Variants in FUS observed in about 807,000 individuals in gnomAD.
FUS encodes the protein RNA-binding protein FUS.
A neutral mutation model predicts 82.7 loss-of-function variants in FUS; 5 were observed. The ratio of observed to expected loss-of-function variants is 0.06; its 90% CI spans 0.03 to 0.13. The LOEUF (loss-of-function observed/expected upper bound fraction) is 0.13, where lower values mean the gene tolerates loss of function less well. Ranked by LOEUF, FUS falls within the 10% of genes least tolerant of loss-of-function variation. The pLI is 1.00. For synonymous variants in FUS, 281 were observed against 247.4 expected, an observed-to-expected ratio of 1.14 and a Z score of -1.27; for missense variants, 512 against 707.8, an observed-to-expected ratio of 0.72 and a Z score of 3.14.
At chr16:31,180,126 A>T (rs538000979), upstream of FUS, 10 of 1,552,284 alleles carry the variant, frequency 6.4e-6, no homozygotes, top group South Asian at 9.3e-5. Flanking sequence ...GCTTCGACGC[A>T]GGAGGCGGGG....
Position 31,182,145 on chromosome 16 carries a change from A to G in FUS, c.14-253A>G, listed in dbSNP as rs1311512009. 17 of 490,776 alleles carry G rather than the reference A, an allele frequency of 3.5e-5. 1 individual carries two copies. In the Admixed American group the frequency reaches 5.6e-4, roughly 16 times the overall value. 30.4% of individuals were successfully genotyped at this position (490,776 alleles called of 1,614,324 possible). On this transcript the variant is annotated intron_variant, in intron 1 of 14. Coordinates refer to ENST00000254108, the MANE Select transcript of FUS (RefSeq NM_004960.4). The stretch of plus-strand genomic sequence containing the variant: ...GCTGGGATTACAGGCGTGCGCCACC[A>G]TGCCCGGCTAATTTTTTGTATTTTT...
Position 31,191,402 on chromosome 16 carries a change from T to C in FUS, c.1545T>C (p.Gly515=). The C allele has an allele frequency of 6.3e-7, 1 of 1,594,990 alleles. No individual in the cohort carries two copies. The highest frequency in any genetic ancestry group is 8.5e-7 in the Non-Finnish European group (1 of 1,174,022). Residue 515 remains glycine, a synonymous_variant, in exon 15 of 15, where the codon GGT becomes GGC. Transcript: ENST00000254108. ...ATTTTTTTTTTTTTTTTTGCAGGGG[T>C]GAGCACAGACAGGATCGCAGGGAGA... ...GFGPGKMDSR[G]EHRQDRRERP... is the part of the protein sequence containing the mutation.
chr16:31,190,372 A>C lies in FUS; in HGVS notation c.1266A>C (p.Arg422=), dbSNP rs1249040900. ...SGGGGGGGQQ[R]AGDWKCPNPT... is the part of the protein sequence containing the mutation. Reference sequence around the variant, plus strand: ...GTGGTGGCGGTGGAGGACAGCAGCGAGCTGGTGACTGGAAGTGTCCTAATC... The same window carrying C: ...GTGGTGGCGGTGGAGGACAGCAGCGCGCTGGTGACTGGAAGTGTCCTAATC... Residue 422 remains arginine, a synonymous_variant, in exon 12 of 15, where the codon CGA becomes CGC. Transcript: ENST00000254108. 3.1e-6 allele frequency: 5 copies of C among 1,614,052 alleles called. No homozygotes were observed. The African/African-American group carries it at 5.3e-5, about 17-fold the overall frequency.
Position 31,184,325 on chromosome 16 carries a change from C to T in FUS, c.452C>T (p.Pro151Leu), listed in dbSNP as rs144342946. The change falls in exon 5 of 15, where the codon CCC (proline) becomes CTC (leucine). Residue 151 changes from proline (P) to leucine (L), a missense_variant. Physicochemically the swap from Pro to Leu is moderately conservative, Grantham distance 98. Around this residue, in one of 6 missense-constraint regions of FUS, gnomAD observed 276 missense variants for 303.3 expected, o/e 0.91. Transcript: ENST00000254108. ...TATGGACAGCAGCAAAGCTATAATC[C>T]CCCTCAGGGCTATGGACAGCAGAAC... ...QSYGQQQSYN[P>L]PQGYGQQNQY... The T allele has an allele frequency of 4.0e-5, 65 of 1,613,988 alleles. No homozygotes were observed. Among genetic ancestry groups the T allele is most frequent in the Non-Finnish European group, 4.8e-5 (57 of 1,180,006 alleles).
downstream of FUS, chr16:31,192,813 C>T (rs542241137): frequency 1.3e-4 from 64 of 481,126 alleles, no homozygotes; most frequent in Non-Finnish European, 5.8e-5. Flanking sequence ...CTCAGGTGAT[C>T]CACCTGCCTT....
downstream of FUS, chr16:31,194,759 T>A (rs1567484000): frequency 4.1e-6 from 2 of 483,062 alleles, no homozygotes; most frequent in Non-Finnish European, 8.2e-6. Flanking sequence ...TCTTAGAAAA[T>A]TTTGAAATTT....
At position 31,185,173 on chromosome 16, in the gene FUS, G is replaced by T. The variant is rs761349989; in HGVS notation, c.758G>T (p.Gly253Val). The T allele has an allele frequency of 6.2e-7, 1 of 1,608,704 alleles. No individual in the cohort carries two copies. Among genetic ancestry groups the T allele is most frequent in the Non-Finnish European group, 8.5e-7 (1 of 1,177,316 alleles). Residue 253 changes from glycine (G) to valine (V), a missense_variant, in exon 6 of 15, where the codon GGC becomes GTC. By Grantham distance (109) the Gly-to-Val change is moderately radical. Coordinates refer to ENST00000254108, the MANE Select transcript of FUS (RefSeq NM_004960.4). The stretch of plus-strand genomic sequence containing the variant: ...GGAGGTGGCCGTGGAGGCAGAGGTG[G>T]CATGGGGTAGGTGTCTCATGAGCCA... ...GRGGGRGGRG[G>V]MGGSDRGGFN...
intron 6 of FUS, 58 bp from the exon 7 acceptor site, chr16:31,186,744 A>G (rs953716478): frequency 3.8e-6 from 6 of 1,566,234 alleles, no homozygotes; most frequent in Non-Finnish European, 5.3e-6. Flanking sequence ...AAATCAAAAA[A>G]CAACCTTTTG....
chr16:31,183,686 T>G (rs372911408), intron 3 of FUS, 172 bp from the exon 4 acceptor site: 1 of 770,176 alleles, frequency 1.3e-6, no homozygotes. Context: ...GTTGAAGCAT[T>G]AAATTTAGGC....
chr16:31,191,261 A>G (rs1449630069), intron 14 of FUS, 138 bp from the exon 15 acceptor site: 16 of 1,463,630 alleles, frequency 1.1e-5, no homozygotes, highest in Middle Eastern at 2.1e-4. Flanking sequence ...AAATTAACTC[A>G]GGGGGAGTGA....
At position 31,189,037 on chromosome 16, in the gene FUS, C is replaced by T. The variant is rs866322003; in HGVS notation, c.833-86C>T. On this transcript the variant is annotated intron_variant, in intron 8 of 14. Transcript: ENST00000254108. ...TCCATAAACCAAATGATACCAGTTG[C>T]TTGATGGATACTAGGTGCTTTAGGT... 57 of 976,840 alleles carry T rather than the reference C, an allele frequency of 5.8e-5. 5 individuals carry two copies. In the Middle Eastern group the frequency reaches 0.01, roughly 178 times the overall value. 60.5% of individuals were successfully genotyped at this position (976,840 alleles called of 1,614,324 possible). A position where few individuals can be genotyped will look rare whatever the true frequency, so the allele number is the denominator to read the frequency against.
intron 6 of FUS, chr16:31,185,573 G>A (rs1294220928): frequency 1.9e-6 from 1 of 534,258 alleles, no homozygotes; most frequent in Non-Finnish European, 3.6e-6. Context: ...GTATTCCCAT[G>A]TGTCCTCTAG....
intron 5 of FUS, 126 bp from the exon 6 acceptor site, chr16:31,184,813 C>A: frequency 1.0e-6 from 1 of 975,378 alleles, no homozygotes; most frequent in South Asian, 1.4e-5. Flanking sequence ...TGTCTTGTTT[C>A]CTAGCTGTCT....
chr16:31,189,903 G>T (rs1313584368), intron 10 of FUS, 109 bp downstream of exon 10: 1 of 1,595,846 alleles, frequency 6.3e-7, no homozygotes, highest in Non-Finnish European at 8.6e-7. Context: ...ACTTACTTTA[G>T]CTGCGGTTTC....
At position 31,185,147 on chromosome 16, in the gene FUS, T is replaced by C; in HGVS notation, c.732T>C (p.Arg244=). 1 of 1,610,648 alleles carries C rather than the reference T, an allele frequency of 6.2e-7. No individual in the cohort carries two copies. Among genetic ancestry groups the C allele is most frequent in the Non-Finnish European group, 8.5e-7 (1 of 1,178,412 alleles). Residue 244 remains arginine (R), a synonymous_variant, in exon 6 of 15, where the codon CGT becomes CGC. Coordinates refer to ENST00000254108, the MANE Select transcript of FUS (RefSeq NM_004960.4). ...GTGGTGGCTATGAACCCAGAGGTCG[T>C]GGAGGTGGCCGTGGAGGCAGAGGTG... ...RSSGGYEPRG[R]GGGRGGRGGM...
intron 1 of FUS, 108 bp downstream of exon 1, chr16:31,180,335 G>A: frequency 7.0e-7 from 1 of 1,433,094 alleles, no homozygotes; most frequent in Non-Finnish European, 9.5e-7. Context: ...GGGATTTTTT[G>A]GCGCCCCTGT....
chr16:31,180,339 C>A, intron 1 of FUS, 112 bp downstream of exon 1: 1 of 1,405,282 alleles, frequency 7.1e-7, no homozygotes, highest in Non-Finnish European at 9.8e-7. Flanking sequence ...TTTTTTGGCG[C>A]CCCTGTGGCG....
downstream of FUS, chr16:31,192,386 A>G: frequency 1.9e-6 from 1 of 523,946 alleles, no homozygotes; most frequent in East Asian, 4.1e-5. Context: ...CGTACCTGCC[A>G]ACCAGTTATT....
chr16:31,180,308 G>C, intron 1 of FUS, 81 bp downstream of exon 1: 2 of 1,526,918 alleles, frequency 1.3e-6, no homozygotes, highest in Admixed American at 1.9e-5. Flanking sequence ...AGTGGGACCG[G>C]GGCGGCGATC....
Sources: allele counts gnomAD v4.1 joint callset, GRCh38; gene constraint gnomAD v4.1.1; regional missense constraint gnomAD v4.1.1; transcripts MANE v1.5; gene names NCBI Gene and HGNC (gene_info 2026-07-23, HGNC 2026-07-21).